The following INSC variants were observed in gnomAD, a reference collection of about 807,000 sequenced individuals.
The protein encoded by INSC is INSC spindle orientation adaptor protein.
INSC carries 67 observed loss-of-function variants against 58.6 expected under a neutral mutation model. That is an observed-to-expected ratio of 1.14 (90% CI 0.94 to 1.40). The LOEUF (loss-of-function observed/expected upper bound fraction) is 1.40, where lower values mean the gene tolerates loss of function less well. Among genes scored for constraint, INSC ranks in the 40% most tolerant of loss-of-function variants. INSC has a pLI of 0.00. For synonymous variants in INSC, 262 were observed against 276.1 expected (o/e 0.95, Z 0.51); for missense variants, 714 against 692.0 (o/e 1.03, Z -0.36).
At chr11:15,143,168 G>T (rs1239062976) in intron 1 of INSC, among the ~76,000 whole-genome samples, 1 of 152,210 alleles carries the variant, frequency 6.6e-6, no homozygotes, top group Non-Finnish European at 1.5e-5. Context: ...ACCTTCGGGG[G>T]AGAAAGACAT....
chr11:15,122,386 A>G (rs1043622083), intron 1 of INSC, among the ~76,000 whole-genome samples: 3 of 152,200 alleles, frequency 2.0e-5, no homozygotes, highest in Admixed American at 6.5e-5. Flanking sequence ...TCGAATGAAG[A>G]GGAGGTAGAA....
intron 6 of INSC, 26 bp downstream of exon 6, chr11:15,190,840 A>T: frequency 6.7e-7 from 1 of 1,497,560 alleles, no homozygotes; most frequent in African/African-American, 1.4e-5. Context: ...AGGGACCAAA[A>T]TGGCAGGCCT....
intron 2 of INSC, among the ~76,000 whole-genome samples, chr11:15,166,111 G>A (rs1481651108): frequency 1.3e-5 from 2 of 152,176 alleles, no homozygotes; most frequent in Non-Finnish European, 2.9e-5. Context: ...GAGAGATACT[G>A]CTTAATGTTT....
In INSC at chr11:15,245,954, C is replaced by T. The variant is rs1040463290; in HGVS notation, c.1513C>T (p.Gln505Ter). ...GGCTGGGGTCTGCCCTGAAGGCCTC[C>T]AGGACTCTGACTTTCAGCAGTTGGT... The part of the protein sequence containing the change: ...RLAGVCPEGL[Q>*]DSDFQQLVQP... Residue 505 changes from glutamine (Q) to a stop codon, truncating the protein, a stop_gained, in exon 13 of 13, where the codon CAG becomes TAG. Transcript: ENST00000379556. LOFTEE classifies it high-confidence loss of function. 3.0e-5 allele frequency: 48 copies of T among 1,614,062 alleles called. No individual in the cohort carries two copies. Among genetic ancestry groups the T allele is most frequent in the Non-Finnish European group, 4.0e-5 (47 of 1,180,016 alleles).
At chr11:15,182,263 G>T (rs901628694) in intron 5 of INSC, among the ~76,000 whole-genome samples, 7 of 152,036 alleles carry the variant, frequency 4.6e-5, no homozygotes, top group African/African-American at 1.7e-4. Flanking sequence ...TCATCCTTAG[G>T]GTTGCCAAAG....
At chr11:15,266,824 G>A in the INSC span, among the ~76,000 whole-genome samples, 1 of 151,950 alleles carries the variant, frequency 6.6e-6, no homozygotes, top group Non-Finnish European at 1.5e-5. Flanking sequence ...CTTCATGCAA[G>A]TTTCCCAGGT....
intron 12 of INSC, among the ~76,000 whole-genome samples, chr11:15,243,017 C>A (rs757406777): frequency 1.3e-5 from 2 of 152,226 alleles, no homozygotes; most frequent in Non-Finnish European, 2.9e-5. Context: ...TACTTTTCCC[C>A]CTCTAGCCTG....
the INSC span, among the ~76,000 whole-genome samples, chr11:15,253,137 C>T: frequency 1.3e-5 from 2 of 152,136 alleles, no homozygotes; most frequent in Non-Finnish European, 2.9e-5. Context: ...TCAAAAACAA[C>T]AGTTCAAAAG....
intron 9 of INSC, among the ~76,000 whole-genome samples, chr11:15,229,842 G>C (rs1371979071): frequency 6.8e-6 from 1 of 147,132 alleles, no homozygotes; most frequent in Non-Finnish European, 1.5e-5. Flanking sequence ...CAGATTGCCT[G>C]TGTTCATGAG....
At chr11:15,143,426 G>T (rs2133732365) in intron 1 of INSC, among the ~76,000 whole-genome samples, 1 of 152,212 alleles carries the variant, frequency 6.6e-6, no homozygotes, top group East Asian at 1.9e-4. Context: ...AAGGTGTTTG[G>T]CAGGGGGAGG....
intron 7 of INSC, among the ~76,000 whole-genome samples, chr11:15,201,749 G>A (rs1330628247): frequency 6.6e-6 from 1 of 152,152 alleles, no homozygotes; most frequent in Non-Finnish European, 1.5e-5. Flanking sequence ...ATAGAAAAGT[G>A]GAAAGGCCTG....
chr11:15,135,224 A>T (rs1848216280), intron 1 of INSC, among the ~76,000 whole-genome samples: 1 of 152,222 alleles, frequency 6.6e-6, no homozygotes, highest in South Asian at 2.1e-4. Context: ...TGGTGGAAAG[A>T]TTAACATTTA....
chr11:15,238,895 A>G (rs758216952), intron 10 of INSC, 24 bp from the exon 11 acceptor site: 1 of 1,609,578 alleles, frequency 6.2e-7, no homozygotes, highest in South Asian at 1.1e-5. Context: ...GGTAGGTACC[A>G]ACTGTTCCTT....
intron 7 of INSC, among the ~76,000 whole-genome samples, 200 bp from the exon 8 acceptor site, chr11:15,221,277 C>A (rs1373037842): frequency 6.6e-6 from 1 of 152,050 alleles, no homozygotes; most frequent in East Asian, 1.9e-4. Context: ...AAAGGAGAGG[C>A]CTCCAGGTGC....
chr11:15,162,442 C>T (rs938989887), intron 2 of INSC, among the ~76,000 whole-genome samples: 1 of 152,178 alleles, frequency 6.6e-6, no homozygotes, highest in African/African-American at 2.4e-5. Context: ...CTCAATGAGC[C>T]CTGCTCTGAC....
In INSC at chr11:15,178,588, A is replaced by G. The variant is rs546295578; in HGVS notation, c.579+141A>G. 115 of 1,057,298 alleles carry G rather than the reference A, an allele frequency of 1.1e-4. 2 individuals carry two copies. The South Asian group carries it at 1.7e-3, about 16-fold the overall frequency. 65.5% of individuals were successfully genotyped at this position (1,057,298 alleles called of 1,614,324 possible). A position where few individuals can be genotyped will look rare whatever the true frequency, so the allele number is the denominator to read the frequency against. On this transcript the variant is annotated intron_variant, in intron 5 of 12. Transcript: ENST00000379556. The stretch of plus-strand genomic sequence containing the variant: ...CATCTTACTCAAACCACCAAAGTCA[A>G]CTCCAGCATTTGTGAAACAAAACTG...
At chr11:15,191,049 C>T (rs1256992915) in intron 6 of INSC, among the ~76,000 whole-genome samples, 22 of 149,314 alleles carry the variant, frequency 1.5e-4, no homozygotes, top group African/African-American at 7.5e-5. Context: ...GGCGCGATCT[C>T]GGCTCACTGC....
intron 1 of INSC, among the ~76,000 whole-genome samples, chr11:15,132,412 A>C (rs890194212): frequency 2.0e-5 from 3 of 152,096 alleles, no homozygotes; most frequent in Non-Finnish European, 4.4e-5. Flanking sequence ...CAGCCTCCTG[A>C]GTAGCTGAAA....
At chr11:15,182,142 A>G (rs546792881) in intron 5 of INSC, among the ~76,000 whole-genome samples, 1 of 152,300 alleles carries the variant, frequency 6.6e-6, no homozygotes, top group Non-Finnish European at 1.5e-5. Context: ...TTAATTCTGG[A>G]TACATAATAC....
Sources: gnomAD v4.1 joint callset for allele counts (sites outside exome capture counted in the v4.1 genomes callset) on GRCh38, gnomAD v4.1.1 for gene constraint, MANE v1.5 for transcripts, NCBI Gene and HGNC (gene_info 2026-07-23, HGNC 2026-07-21) for gene names.